DPP10: variants seen among roughly 807,000 people sequenced by gnomAD.
The protein encoded by DPP10 is dipeptidyl peptidase like 10, also known as inactive dipeptidyl peptidase 10.
DPP10 carries 33 observed loss-of-function variants against 120.9 expected under a neutral mutation model. The observed-to-expected ratio is 0.27, with a 90% confidence interval of 0.21 to 0.37. The LOEUF (loss-of-function observed/expected upper bound fraction) is 0.37. DPP10 is among the 10% of genes least tolerant of loss of function. The pLI, the probability that DPP10 is intolerant of heterozygous loss-of-function variation, is 1.00. For synonymous variants in DPP10, 337 were observed against 326.1 expected, an observed-to-expected ratio of 1.03 and a Z score of -0.36; for missense variants, 816 against 942.8, an observed-to-expected ratio of 0.87 and a Z score of 1.76.
chr2:115,026,521 G>A lies in DPP10; in HGVS notation c.61-282718G>A, dbSNP rs116125577. ...GGGTCTTTTGCGGTTCCATATAATT[G>A]TTTTTTCTATTCCTTTTCTTTGTTT... On this transcript the variant is annotated intron_variant, in intron 1 of 25. Coordinates refer to ENST00000410059, the MANE Select transcript of DPP10 (RefSeq NM_020868.6). 3.1e-3 allele frequency among the ~76,000 whole-genome samples: 463 copies of A among 151,720 alleles called. 3 individuals carry two copies. The highest frequency in any genetic ancestry group is 0.011 in the African/African-American group (437 of 41,470).
chr2:115,007,529 C>A (rs1427173305), intron 1 of DPP10, among the ~76,000 whole-genome samples: 1 of 149,784 alleles, frequency 6.7e-6, no homozygotes, highest in African/African-American at 2.4e-5. Flanking sequence ...GACAGGGATG[C>A]CCTCTCTCAC....
chr2:114,512,254 T>A (rs1056690568), intron 1 of DPP10, among the ~76,000 whole-genome samples: 13 of 152,332 alleles, frequency 8.5e-5, no homozygotes, highest in African/African-American at 2.9e-4. Flanking sequence ...TCAGCCTTGT[T>A]ATTTTAAGGG....
chr2:115,057,669 A>G (rs937124254), intron 1 of DPP10, among the ~76,000 whole-genome samples: 3 of 152,224 alleles, frequency 2.0e-5, no homozygotes, highest in African/African-American at 7.2e-5. Context: ...GCAAGAAACC[A>G]AGGATGTGGT....
At chr2:115,675,640 T>C (rs2090194017) in intron 5 of DPP10, among the ~76,000 whole-genome samples, 1 of 152,194 alleles carries the variant, frequency 6.6e-6, no homozygotes, top group Admixed American at 6.5e-5. Flanking sequence ...AGCCCACATT[T>C]TGACAACAGA....
intron 3 of DPP10, among the ~76,000 whole-genome samples, chr2:115,461,139 A>G (rs2073961429): frequency 1.3e-5 from 2 of 152,300 alleles, no homozygotes; most frequent in African/African-American, 4.8e-5. Context: ...GAATAAAACA[A>G]GTTTACACTA....
intron 7 of DPP10, among the ~76,000 whole-genome samples, chr2:115,712,540 T>TATATATATATATATATATATATATATA: frequency 5.5e-5 from 1 of 18,060 alleles, no homozygotes; most frequent in East Asian, 3.6e-3. Context: ...GAGTCCTGAA[T>TATATATATATATATATATATATATATA]TAAATATATA....
chr2:115,141,909 GA>G (rs1264964183), intron 1 of DPP10, among the ~76,000 whole-genome samples: 1 of 152,022 alleles, frequency 6.6e-6, no homozygotes, highest in Non-Finnish European at 1.5e-5. Context: ...GTGTAGGGGG[GA>G]CTACAGGTGC....
intron 1 of DPP10, among the ~76,000 whole-genome samples, chr2:114,951,559 C>T (rs1230861662): frequency 6.6e-6 from 1 of 152,116 alleles, no homozygotes; most frequent in Admixed American, 6.5e-5. Context: ...TATTGTAAAA[C>T]ACCCTAAAGC....
intron 1 of DPP10, among the ~76,000 whole-genome samples, chr2:114,716,990 G>A (rs1036572673): frequency 1.3e-5 from 2 of 152,202 alleles, no homozygotes; most frequent in Non-Finnish European, 2.9e-5. Context: ...GCCACTTGAG[G>A]AGTGGAGAAG....
intron 1 of DPP10, among the ~76,000 whole-genome samples, chr2:114,949,721 G>T (rs1222112522): frequency 1.3e-5 from 2 of 152,122 alleles, no homozygotes; most frequent in African/African-American, 4.8e-5. Flanking sequence ...CTTCTGTTTG[G>T]TCTCTCTCAG....
chr2:114,815,205 T>A (rs773302934), intron 1 of DPP10, among the ~76,000 whole-genome samples: 2 of 152,176 alleles, frequency 1.3e-5, no homozygotes, highest in Non-Finnish European at 2.9e-5. Flanking sequence ...TTACTTACAT[T>A]TGCATACAGG....
rs1690461507 is a variant in DPP10 at position 115,844,551 on chromosome 2, T to C, written c.*2206T>C. The C allele has an allele frequency of 1.3e-5, 2 of 152,174 alleles. No individual in the cohort carries two copies. 9.4% of individuals were successfully genotyped at this position (152,174 alleles called of 1,614,324 possible). ...ATCCCTGCGATTCTTTGAGTTTTAATGACAGGGTCATTTTCAGTAAAGGAA... is the reference window on the plus strand; with the variant it reads ...ATCCCTGCGATTCTTTGAGTTTTAACGACAGGGTCATTTTCAGTAAAGGAA... On this transcript the variant is annotated 3_prime_UTR_variant, in exon 26 of 26. Coordinates refer to ENST00000410059, the MANE Select transcript of DPP10 (RefSeq NM_020868.6).
At chr2:114,549,075 G>A (rs145357225) in intron 1 of DPP10, among the ~76,000 whole-genome samples, 56 of 152,318 alleles carry the variant, frequency 3.7e-4, no homozygotes, top group Non-Finnish European at 6.9e-4. Context: ...AGGGGATGGC[G>A]AAGGAGAGGG....
intron 1 of DPP10, among the ~76,000 whole-genome samples, chr2:115,020,615 C>G (rs551859457): frequency 2.0e-5 from 3 of 152,066 alleles, no homozygotes; most frequent in South Asian, 4.2e-4. Flanking sequence ...AAGACAGAAA[C>G]TCAACAAATG....
chr2:114,620,311 G>A (rs914344402), intron 1 of DPP10, among the ~76,000 whole-genome samples: 2 of 151,888 alleles, frequency 1.3e-5, no homozygotes, highest in Non-Finnish European at 2.9e-5. Context: ...TGAGTAGATC[G>A]GTTTTTCTAA....
At chr2:115,811,429 A>C (rs934402216) in intron 19 of DPP10, among the ~76,000 whole-genome samples, 1 of 152,270 alleles carries the variant, frequency 6.6e-6, no homozygotes, top group South Asian at 2.1e-4. Flanking sequence ...GTTTTAAAAA[A>C]CCTGTTGCCA....
intron 8 of DPP10, among the ~76,000 whole-genome samples, chr2:115,729,961 A>G (rs1181973270): frequency 2.0e-5 from 3 of 152,196 alleles, no homozygotes; most frequent in East Asian, 1.9e-4. Context: ...CCTTGATATA[A>G]TTGGGCCATA....
intron 1 of DPP10, among the ~76,000 whole-genome samples, chr2:114,804,142 C>G (rs1045779382): frequency 6.6e-6 from 1 of 152,208 alleles, no homozygotes; most frequent in Non-Finnish European, 1.5e-5. Flanking sequence ...GTGGAAGCCC[C>G]AAGCCTTGGC....
chr2:115,650,815 G>T (rs1227907332), intron 5 of DPP10, among the ~76,000 whole-genome samples: 1 of 151,980 alleles, frequency 6.6e-6, no homozygotes, highest in Non-Finnish European at 1.5e-5. Flanking sequence ...AGGAGGAGGA[G>T]CGGAAAAGGA....
Sources: allele counts gnomAD v4.1 joint callset (sites outside exome capture counted in the v4.1 genomes callset), GRCh38; gene constraint gnomAD v4.1.1; transcripts MANE v1.5; gene names NCBI Gene and HGNC (gene_info 2026-07-23, HGNC 2026-07-21).